PIPOX: variants seen among roughly 807,000 people sequenced by gnomAD.
PIPOX encodes the protein peroxisomal sarcosine oxidase.
Under a neutral mutation model 47.9 loss-of-function variants are expected in PIPOX, and 45 were observed. That is an observed-to-expected ratio of 0.94 (90% CI 0.74 to 1.20). PIPOX has a LOEUF of 1.20. Ranked by LOEUF, PIPOX falls within the 50% of genes most tolerant of loss-of-function variation. The pLI, the probability that PIPOX is intolerant of heterozygous loss-of-function variation, is 0.00. For synonymous variants in PIPOX, 165 were observed against 191.3 expected, an observed-to-expected ratio of 0.86 and a Z score of 1.13; for missense variants, 458 against 498.4, an observed-to-expected ratio of 0.92 and a Z score of 0.77.
intron 2 of PIPOX, among the ~76,000 whole-genome samples, chr17:29,048,138 A>G (rs1350901611): frequency 3.9e-5 from 6 of 152,220 alleles, no homozygotes; most frequent in Non-Finnish European, 2.9e-5. Context: ...GATACTTCCC[A>G]TTCTCAGAAT....
At chr17:29,053,214 C>T in intron 3 of PIPOX, 81 bp downstream of exon 3, 1 of 1,398,430 alleles carries the variant, frequency 7.2e-7, no homozygotes, top group Non-Finnish European at 1.0e-6. Context: ...CCCAAGACCC[C>T]CCTCTGGATG....
intron 2 of PIPOX, among the ~76,000 whole-genome samples, chr17:29,051,775 C>A (rs1391869107): frequency 2.0e-5 from 3 of 152,178 alleles, no homozygotes; most frequent in Non-Finnish European, 4.4e-5. Flanking sequence ...GGTGTTTCTG[C>A]ATGAGAACAC....
At chr17:29,050,740 G>A (rs1416832221) in intron 2 of PIPOX, among the ~76,000 whole-genome samples, 1 of 152,240 alleles carries the variant, frequency 6.6e-6, no homozygotes, top group South Asian at 2.1e-4. Flanking sequence ...GGAGGGCTGA[G>A]GCAGGAGGAG....
chr17:29,053,403 G>T lies in PIPOX; in HGVS notation c.478-10G>T. The T allele has an allele frequency of 6.2e-7, 1 of 1,605,936 alleles. No homozygotes were observed. The highest frequency in any genetic ancestry group is 8.5e-7 in the Non-Finnish European group (1 of 1,174,252). The stretch of plus-strand genomic sequence containing the variant: ...AACTAATTCACCTTTCCCTGCTCCT[G>T]CCCTTTCAGGATGCAATTCGACAGC... On this transcript the variant is annotated splice_polypyrimidine_tract_variant and intron_variant, in intron 3 of 7. Transcript: ENST00000323372.
In PIPOX at chr17:29,053,508, G is replaced by T. The variant is rs367848147; in HGVS notation, c.573G>T (p.Arg191Ser). The change falls in exon 4 of 8, where the codon AGG (arginine) becomes AGT (serine). Residue 191 changes from arginine (R) to serine (S), a missense_variant. Coordinates refer to ENST00000323372, the MANE Select transcript of PIPOX (RefSeq NM_016518.3). ...TGGTCACGGTGAAAACCACCTCCAG[G>T]AGCTACCAAGCTAAGAGCTTGGTCA... is the stretch of plus-strand genomic sequence containing the variant. ...GLLVTVKTTSRSYQAKSLVIT... is the reference protein window; with the variant it reads ...GLLVTVKTTSSSYQAKSLVIT... 17 of 1,614,090 alleles carry T rather than the reference G, an allele frequency of 1.1e-5. No homozygotes were observed. The South Asian group carries it at 1.8e-4, about 17-fold the overall frequency.
At chr17:29,053,239 C>A in intron 3 of PIPOX, 106 bp downstream of exon 3, 2 of 1,278,056 alleles carry the variant, frequency 1.6e-6, no homozygotes, top group Non-Finnish European at 2.2e-6. Flanking sequence ...CTTTGCCCTG[C>A]AGGCTTTAGT....
chr17:29,043,401 G>A (rs1184465567), intron 1 of PIPOX, 62 bp downstream of exon 1: 4 of 1,254,586 alleles, frequency 3.2e-6, no homozygotes, highest in Non-Finnish European at 4.6e-6. Flanking sequence ...CCCTGCAGAA[G>A]GGTTTTCAGA....
At chr17:29,052,528 T>TA (rs2065810297) in intron 2 of PIPOX, among the ~76,000 whole-genome samples, 2 of 152,186 alleles carry the variant, frequency 1.3e-5, no homozygotes, top group Non-Finnish European at 2.9e-5. Flanking sequence ...GGACCCGAGA[T>TA]CCCTCCTGAA....
chr17:29,051,941 G>A (rs758676320), intron 2 of PIPOX: 2 of 470,526 alleles, frequency 4.3e-6, no homozygotes, highest in South Asian at 1.5e-5. Flanking sequence ...TGAGTGGGCG[G>A]TACCACCCTG....
intron 2 of PIPOX, among the ~76,000 whole-genome samples, chr17:29,050,502 T>G (rs2065801778): frequency 6.6e-6 from 1 of 152,202 alleles, no homozygotes; most frequent in African/African-American, 2.4e-5. Context: ...GAGATAGGCC[T>G]GGGCAACATA....
chr17:29,052,173 AAG>A (rs966240539), intron 2 of PIPOX, among the ~76,000 whole-genome samples: 9 of 152,188 alleles, frequency 5.9e-5, no homozygotes, highest in Non-Finnish European at 1.2e-4. Flanking sequence ...AAGAAAGAAA[AAG>A]AGGGAAGCGG....
chr17:29,054,537 G>GC lies in PIPOX; in HGVS notation c.661-6dup. ...TCTTCATTTCCCACTTCCTCTCCCTGCCTCAAGACCCTGCGGATCAACGTG... is the reference window on the plus strand; with the variant it reads ...TCTTCATTTCCCACTTCCTCTCCCTGCCCTCAAGACCCTGCGGATCAACGTG... On this transcript the variant is annotated splice_region_variant and splice_polypyrimidine_tract_variant and intron_variant, in intron 4 of 7. Transcript: ENST00000323372. The GC allele has an allele frequency of 1.2e-6, 2 of 1,613,182 alleles. No individual in the cohort carries two copies. The highest frequency in any genetic ancestry group is 1.7e-6 in the Non-Finnish European group (2 of 1,179,214).
chr17:29,047,296 A>G (rs921580437), intron 2 of PIPOX, among the ~76,000 whole-genome samples: 1 of 152,114 alleles, frequency 6.6e-6, no homozygotes, highest in South Asian at 2.1e-4. Context: ...CTCCGTCTCA[A>G]AGAAAAAAAA....
chr17:29,053,741 T>G, intron 4 of PIPOX, 146 bp downstream of exon 4: 1 of 554,022 alleles, frequency 1.8e-6, no homozygotes, highest in Non-Finnish European at 3.2e-6. Context: ...TTTTATCATC[T>G]GTAATATGGG....
intron 2 of PIPOX, among the ~76,000 whole-genome samples, chr17:29,048,884 T>C (rs2152698418): frequency 6.6e-6 from 1 of 152,212 alleles, no homozygotes; most frequent in Middle Eastern, 3.4e-3. Context: ...TTCGAATCCC[T>C]TCCCCAAGGT....
Position 29,044,913 on chromosome 17 carries a change from A to G in PIPOX, c.169A>G (p.Lys57Glu). Residue 57 changes from lysine to glutamate, a missense_variant, in exon 2 of 8, where the codon AAG becomes GAG. By Grantham distance (56) the Lys-to-Glu change is moderately conservative. Transcript: ENST00000323372. ...CCATGGACAAAGCCGGATAATCCGA[A>G]AGGCGTACCTGGAAGACTTTTACAC... is the stretch of plus-strand genomic sequence containing the variant. ...SSHGQSRIIR[K>E]AYLEDFYTRM... 6.2e-7 allele frequency: 1 copy of G among 1,614,138 alleles called. No homozygotes were observed. Among genetic ancestry groups the G allele is most frequent in the Non-Finnish European group, 8.5e-7 (1 of 1,180,014 alleles).
rs770496182 is a variant in PIPOX, at chr17:29,053,038, C to T, written c.382C>T (p.Arg128Cys). The T allele has an allele frequency of 3.2e-5, 52 of 1,614,088 alleles. 1 individual carries two copies. In the East Asian group the frequency reaches 4.9e-4, roughly 15 times the overall value. Residue 128 changes from arginine to cysteine, a missense_variant, in exon 3 of 8, where the codon CGT becomes TGT. By Grantham distance (180) the Arg-to-Cys change is radical (BLOSUM62 -3). Transcript: ENST00000323372. ...TCTTTCATCTGAGGAACTGAAGCAA[C>T]GTTTCCCAAATATTCGGTTGCCCAG... ...QCLSSEELKQ[R>C]FPNIRLPRGE...
chr17:29,052,271 C>T (rs893359618), intron 2 of PIPOX, among the ~76,000 whole-genome samples: 17 of 152,224 alleles, frequency 1.1e-4, no homozygotes, highest in Admixed American at 2.6e-4. Context: ...TTTCATCAAA[C>T]TGACTGAACT....
At chr17:29,046,369 T>TGAGGCAA (rs1190883721) in intron 2 of PIPOX, among the ~76,000 whole-genome samples, 1 of 152,208 alleles carries the variant, frequency 6.6e-6, no homozygotes, top group Admixed American at 6.5e-5. Flanking sequence ...GTGTCTGGAA[T>TGAGGCAA]CTTTCCGAGG....
Sources: gnomAD v4.1 joint callset for allele counts (sites outside exome capture counted in the v4.1 genomes callset) on GRCh38, gnomAD v4.1.1 for gene constraint, MANE v1.5 for transcripts, NCBI Gene and HGNC (gene_info 2026-07-23, HGNC 2026-07-21) for gene names.